SEZ6L: variants seen among roughly 807,000 people sequenced by gnomAD.
SEZ6L encodes the protein seizure 6-like protein.
In SEZ6L, 37 loss-of-function variants were observed where a neutral mutation model predicts 106.2. The ratio of observed to expected loss-of-function variants is 0.35; its 90% CI spans 0.27 to 0.46. The LOEUF is 0.46. Ranked by LOEUF, SEZ6L falls within the 20% of genes least tolerant of loss-of-function variation. The probability of loss-of-function intolerance (pLI) is 1.00; values close to 1 mark genes in which losing one functional copy is unlikely to be tolerated. For synonymous variants in SEZ6L, 541 were observed against 570.4 expected (o/e 0.95, Z 0.73); for missense variants, 1,172 against 1,332.8 (o/e 0.88, Z 1.88).
intron 9 of SEZ6L, among the ~76,000 whole-genome samples, chr22:26,315,839 C>G (rs534887029): frequency 6.6e-6 from 1 of 152,188 alleles, no homozygotes; most frequent in South Asian, 2.1e-4. Context: ...AGGAGAATCA[C>G]TTGGGGCCAG....
chr22:26,332,147 GTTTTT>G (rs752520660), intron 9 of SEZ6L, among the ~76,000 whole-genome samples: 1,503 of 114,118 alleles, frequency 0.013, 28 homozygotes, highest in African/African-American at 0.047. Flanking sequence ...GATTTTCAAT[GTTTTT>G]TTTTTTTTTT....
chr22:26,293,887 C>T (rs1224654547), intron 2 of SEZ6L, among the ~76,000 whole-genome samples: 1 of 152,218 alleles, frequency 6.6e-6, no homozygotes, highest in Non-Finnish European at 1.5e-5. Context: ...CCCCAATTGT[C>T]AAGCATACAT....
chr22:26,232,894 T>C (rs2078845015), intron 1 of SEZ6L, among the ~76,000 whole-genome samples: 1 of 152,238 alleles, frequency 6.6e-6, no homozygotes, highest in Admixed American at 6.5e-5. Flanking sequence ...GAAAGTGGTC[T>C]GGAGCTTCAG....
chr22:26,238,309 G>A (rs185808729), intron 1 of SEZ6L, among the ~76,000 whole-genome samples: 2 of 152,344 alleles, frequency 1.3e-5, no homozygotes, highest in East Asian at 1.9e-4. Context: ...ACGGGGCAAA[G>A]CACTCAGGAG....
At chr22:26,275,907 C>T (rs1467623087) in intron 1 of SEZ6L, among the ~76,000 whole-genome samples, 2 of 152,158 alleles carry the variant, frequency 1.3e-5, no homozygotes, top group Non-Finnish European at 1.5e-5. Context: ...GGTGCTCACT[C>T]TGGACACAGC....
At chr22:26,309,648 G>A (rs993820691) in intron 6 of SEZ6L, among the ~76,000 whole-genome samples, 4 of 151,898 alleles carry the variant, frequency 2.6e-5, no homozygotes, top group East Asian at 1.9e-4. Context: ...GCTCGATCTC[G>A]GCTCACTGCA....
chr22:26,376,016 A>C (rs969913319), intron 15 of SEZ6L, among the ~76,000 whole-genome samples: 3 of 152,212 alleles, frequency 2.0e-5, no homozygotes, highest in Non-Finnish European at 4.4e-5. Context: ...TTTATTCAAC[A>C]AATATGTACT....
chr22:26,218,701 C>T (rs1024073017), intron 1 of SEZ6L, among the ~76,000 whole-genome samples: 2 of 152,164 alleles, frequency 1.3e-5, no homozygotes, highest in Non-Finnish European at 2.9e-5. Flanking sequence ...CTTTGGGAGG[C>T]CAAGGCAGGT....
intron 1 of SEZ6L, among the ~76,000 whole-genome samples, chr22:26,233,019 C>T (rs190941604): frequency 8.3e-4 from 127 of 152,358 alleles, no homozygotes; most frequent in Admixed American, 4.0e-3. Flanking sequence ...AGCGGCGCTC[C>T]GCCATGGGTT....
chr22:26,379,532 A>G (rs1245862490), intron 16 of SEZ6L, among the ~76,000 whole-genome samples: 1 of 152,258 alleles, frequency 6.6e-6, no homozygotes, highest in Non-Finnish European at 1.5e-5. Context: ...TCATTAAAGC[A>G]TGTGACAGTG....
intron 1 of SEZ6L, among the ~76,000 whole-genome samples, chr22:26,239,301 C>G (rs1340045533): frequency 2.0e-5 from 3 of 152,124 alleles, no homozygotes; most frequent in Non-Finnish European, 4.4e-5. Context: ...GTCCCCTATC[C>G]CCAGCACACA....
At chr22:26,302,128 C>T (rs1179976911) in intron 5 of SEZ6L, among the ~76,000 whole-genome samples, 1 of 152,222 alleles carries the variant, frequency 6.6e-6, no homozygotes, top group Non-Finnish European at 1.5e-5. Context: ...GATGAAGTAA[C>T]ATACTTGAAG....
intron 1 of SEZ6L, among the ~76,000 whole-genome samples, chr22:26,214,806 G>T (rs1181101903): frequency 1.3e-5 from 2 of 152,154 alleles, no homozygotes; most frequent in African/African-American, 4.8e-5. Flanking sequence ...ATGACTTGGG[G>T]AATAGACAGA....
chr22:26,306,452 G>C (rs1175118676), intron 6 of SEZ6L, among the ~76,000 whole-genome samples: 1 of 152,196 alleles, frequency 6.6e-6, no homozygotes, highest in Non-Finnish European at 1.5e-5. Flanking sequence ...AACAAAAAGA[G>C]AGTATGTATT....
At position 26,311,907 on chromosome 22, in the gene SEZ6L, C is replaced by A. The variant is rs545734397; in HGVS notation, c.1821C>A (p.Ile607=). The change falls in exon 8 of 17, where the codon ATC becomes ATA. Residue 607 remains isoleucine (I), a synonymous_variant. Coordinates refer to ENST00000248933, the MANE Select transcript of SEZ6L (RefSeq NM_021115.5). ...GHSLEQGPAI[I]ECINVRDPYW... is the part of the protein sequence containing the mutation. ...CCCTGGAGCAGGGCCCGGCCATCAT[C>A]GAATGCATCAATGTGCGGGACCCAT... is the stretch of plus-strand genomic sequence containing the variant. 2 of 1,614,088 alleles carry A rather than the reference C, an allele frequency of 1.2e-6. No homozygotes were observed. Among genetic ancestry groups the A allele is most frequent in the African/African-American group, 1.3e-5 (1 of 74,936 alleles).
At chr22:26,334,206 C>T (rs2331245) in intron 9 of SEZ6L, among the ~76,000 whole-genome samples, 42,171 of 151,978 alleles carry the variant, frequency 0.28, 6,789 homozygotes, top group Admixed American at 0.42. Flanking sequence ...GTGCAACCAA[C>T]ACTTGTATCT....
intron 5 of SEZ6L, among the ~76,000 whole-genome samples, chr22:26,304,289 T>C (rs1601439441): frequency 6.7e-6 from 1 of 150,260 alleles, no homozygotes; most frequent in Non-Finnish European, 1.5e-5. Context: ...GAGGCAGAGG[T>C]TGCAGTGAGC....
Position 26,291,179 on chromosome 22 carries a change from G to A in SEZ6L, c.95-1227G>A, listed in dbSNP as rs544951240. Among the ~76,000 whole-genome samples the A allele has an allele frequency of 5.3e-5, 8 of 152,302 alleles. No homozygotes were observed. In the East Asian group the frequency reaches 9.6e-4, roughly 18 times the overall value. Reference sequence around the variant, plus strand: ...CTGCACTATTCACAATAGCAAAGACGTGGAATCAACCTAATGCCCATCAAT... The same window carrying A: ...CTGCACTATTCACAATAGCAAAGACATGGAATCAACCTAATGCCCATCAAT... On this transcript the variant is annotated intron_variant, in intron 1 of 16. Coordinates refer to ENST00000248933, the MANE Select transcript of SEZ6L (RefSeq NM_021115.5).
chr22:26,235,423 G>A (rs1468018788), intron 1 of SEZ6L, among the ~76,000 whole-genome samples: 1 of 152,158 alleles, frequency 6.6e-6, no homozygotes, highest in Non-Finnish European at 1.5e-5. Context: ...CAGACACATT[G>A]CTAGGTACTA....
Sources: allele counts gnomAD v4.1 joint callset (sites outside exome capture counted in the v4.1 genomes callset), GRCh38; gene constraint gnomAD v4.1.1; transcripts MANE v1.5; gene names NCBI Gene and HGNC (gene_info 2026-07-23, HGNC 2026-07-21).